The following SLC30A8 variants were observed in gnomAD, a reference collection of about 807,000 sequenced individuals.
SLC30A8 encodes proton-coupled zinc antiporter SLC30A8.
Under a neutral mutation model 36.9 loss-of-function variants are expected in SLC30A8, and 27 were observed. That is an observed-to-expected ratio of 0.73 (90% CI 0.54 to 1.01). SLC30A8 has a LOEUF of 1.01. SLC30A8 is among the 50% of genes least tolerant of loss of function. The pLI is 0.00. For missense variants in SLC30A8, 439 were observed against 452.0 expected (o/e 0.97, Z 0.26); for synonymous variants, 164 against 172.4 (o/e 0.95, Z 0.38).
rs371965312 is a variant in SLC30A8, at chr8:116,967,863, A to G, written c.-266+16744A>G. On this transcript the variant is annotated intron_variant, in intron 1 of 10. Coordinates refer to the SLC30A8 transcript ENST00000427715. ...TTCTGTTTCAAGCTGTAATGTCACA[A>G]ACTCTCTGTAGGCAATATGAATCGT... Among the ~76,000 whole-genome samples, 12 of 152,334 alleles carry G rather than the reference A, an allele frequency of 7.9e-5. No homozygotes were observed. The South Asian group carries it at 2.5e-3, about 32-fold the overall frequency.
chr8:117,121,214 A>T (rs1179566438), intron 2 of SLC30A8, among the ~76,000 whole-genome samples: 1 of 151,972 alleles, frequency 6.6e-6, no homozygotes, highest in East Asian at 1.9e-4. Flanking sequence ...AGCATTTTTC[A>T]CAATACCCAA....
At chr8:117,056,396 C>T (rs1817871724) in intron 2 of SLC30A8, among the ~76,000 whole-genome samples, 1 of 152,080 alleles carries the variant, frequency 6.6e-6, no homozygotes, top group South Asian at 2.1e-4. Flanking sequence ...AGTCAGGGCT[C>T]GCGCTGTGGG....
intron 2 of SLC30A8, among the ~76,000 whole-genome samples, chr8:117,058,684 A>G (rs1817942429): frequency 6.6e-6 from 1 of 152,218 alleles, no homozygotes; most frequent in African/African-American, 2.4e-5. Flanking sequence ...TGCATGGCCT[A>G]TGAACTAAGA....
chr8:117,109,251 CATT>C (rs1433871604), intron 2 of SLC30A8, among the ~76,000 whole-genome samples: 2 of 152,056 alleles, frequency 1.3e-5, no homozygotes, highest in African/African-American at 4.8e-5. Flanking sequence ...ATGGGGTAGG[CATT>C]ATTCTTTGAA....
chr8:116,952,463 G>A (rs988339179), intron 1 of SLC30A8, among the ~76,000 whole-genome samples: 9 of 148,634 alleles, frequency 6.1e-5, no homozygotes, highest in African/African-American at 2.0e-4. Flanking sequence ...TTTTTTTTCC[G>A]AGACAGAGTC....
At chr8:117,108,370 A>G (rs958575118) in intron 2 of SLC30A8, among the ~76,000 whole-genome samples, 2 of 152,182 alleles carry the variant, frequency 1.3e-5, no homozygotes, top group Admixed American at 1.3e-4. Flanking sequence ...AATGGCCATA[A>G]CATTTCTCAT....
rs890353834 is a variant in SLC30A8, at chr8:117,007,007, T to C, written c.-265-32212T>C. Reference sequence around the variant, plus strand: ...TTTCTGTAGAGACAGCATTTCCCCATGTTGGCCAGGCTGGTCTTGAACTCC... The same window carrying C: ...TTTCTGTAGAGACAGCATTTCCCCACGTTGGCCAGGCTGGTCTTGAACTCC... On this transcript the variant is annotated intron_variant, in intron 1 of 10. Transcript: ENST00000427715. 8 of 124,352 alleles carry C rather than the reference T, an allele frequency of 6.4e-5. No homozygotes were observed. The Admixed American group carries it at 7.8e-4, about 12-fold the overall frequency. The allele number at this position is 124,352 out of a possible 1,614,324, so 7.7% of individuals were successfully genotyped here.
At chr8:117,153,222 CAAATGTGTATGTGG>C (rs1822285396) in intron 3 of SLC30A8, 132 bp downstream of exon 3, 1 of 851,570 alleles carries the variant, frequency 1.2e-6, no homozygotes, top group Non-Finnish European at 1.7e-6. Flanking sequence ...CAGGATAAAA[CAAATGTGTATGTGG>C]GAATGTGTGT....
intron 1 of SLC30A8, among the ~76,000 whole-genome samples, chr8:117,031,129 A>G (rs1356976131): frequency 6.6e-6 from 1 of 152,236 alleles, no homozygotes; most frequent in Non-Finnish European, 1.5e-5. Flanking sequence ...CCCAAGTATC[A>G]GATCAGTTTG....
chr8:116,962,404 C>G (rs1814453598), intron 1 of SLC30A8, among the ~76,000 whole-genome samples: 1 of 151,990 alleles, frequency 6.6e-6, no homozygotes, highest in Non-Finnish European at 1.5e-5. Context: ...TAATTCCTCC[C>G]TTTTTCCTGT....
At chr8:117,019,230 A>G (rs1816626095) in intron 1 of SLC30A8, among the ~76,000 whole-genome samples, 1 of 152,236 alleles carries the variant, frequency 6.6e-6, no homozygotes. Flanking sequence ...GCCTGGCAAT[A>G]GCTGAAGCTC....
intron 1 of SLC30A8, among the ~76,000 whole-genome samples, chr8:117,010,051 T>A (rs1816297450): frequency 6.6e-6 from 1 of 152,212 alleles, no homozygotes; most frequent in East Asian, 1.9e-4. Context: ...GATGGAGTTT[T>A]GTGTATATGA....
At chr8:117,125,506 C>T (rs1319047655) in intron 2 of SLC30A8, among the ~76,000 whole-genome samples, 2 of 151,928 alleles carry the variant, frequency 1.3e-5, no homozygotes, top group African/African-American at 4.8e-5. Flanking sequence ...GAAACTTGTG[C>T]TATTAGCAGG....
In SLC30A8 at chr8:117,151,133, C is replaced by T. The variant is rs4876703; in HGVS notation, c.272-1811C>T. On this transcript the variant is annotated intron_variant, in intron 2 of 7. Coordinates refer to ENST00000456015, the MANE Select transcript of SLC30A8 (RefSeq NM_173851.3). The stretch of plus-strand genomic sequence containing the variant: ...TATGTTCTTTCACTCTATTTTAGTC[C>T]GTGCTTTTATCTCTTCCTGAAAACC... Among the ~76,000 whole-genome samples, 5 of 151,930 alleles carry T rather than the reference C, an allele frequency of 3.3e-5. 1 individual carries two copies. The South Asian group carries it at 1.0e-3, about 32-fold the overall frequency.
At chr8:117,043,895 A>C (rs986323093) in intron 2 of SLC30A8, among the ~76,000 whole-genome samples, 22 of 152,246 alleles carry the variant, frequency 1.4e-4, no homozygotes, top group African/African-American at 5.1e-4. Context: ...ATTTTATTCA[A>C]TAAGTGTTGA....
At chr8:117,100,104 A>G (rs1819642402) in intron 2 of SLC30A8, among the ~76,000 whole-genome samples, 1 of 152,176 alleles carries the variant, frequency 6.6e-6, no homozygotes, top group Non-Finnish European at 1.5e-5. Flanking sequence ...CATTTTGTAT[A>G]AATAGAAAAT....
chr8:117,033,966 A>G (rs1235223977), intron 1 of SLC30A8, among the ~76,000 whole-genome samples: 1 of 152,246 alleles, frequency 6.6e-6, no homozygotes, highest in Admixed American at 6.5e-5. Context: ...CTCATTGCTG[A>G]AAAGAACTTC....
intron 2 of SLC30A8, among the ~76,000 whole-genome samples, chr8:117,043,826 G>C (rs1483574904): frequency 1.3e-5 from 2 of 152,176 alleles, no homozygotes; most frequent in Non-Finnish European, 2.9e-5. Flanking sequence ...AGAATTCATA[G>C]TTACATTATA....
At chr8:117,149,489 C>T (rs1338916553) in intron 2 of SLC30A8, among the ~76,000 whole-genome samples, 1 of 152,098 alleles carries the variant, frequency 6.6e-6, no homozygotes, top group Non-Finnish European at 1.5e-5. Flanking sequence ...AGCACAAAGG[C>T]TAAAACACTT....
Sources: allele counts gnomAD v4.1 joint callset (sites outside exome capture counted in the v4.1 genomes callset), GRCh38; gene constraint gnomAD v4.1.1; transcripts MANE v1.5; gene names NCBI Gene and HGNC (gene_info 2026-07-23, HGNC 2026-07-21).